Variants in SPIN1 observed in about 807,000 individuals in gnomAD.
SPIN1 encodes the protein spindlin-1.
SPIN1 carries 3 observed loss-of-function variants against 26.0 expected under a neutral mutation model. That is an observed-to-expected ratio of 0.12 (90% CI 0.05 to 0.30). The LOEUF is 0.30. Among genes scored for constraint, SPIN1 ranks in the 10% least tolerant of loss-of-function variants. The pLI is 1.00. For missense variants in SPIN1, 126 were observed against 333.4 expected, an observed-to-expected ratio of 0.38 and a Z score of 4.84; for synonymous variants, 101 against 116.5, an observed-to-expected ratio of 0.87 and a Z score of 0.86.
At chr9:88,439,611 C>T (rs1027504567) in intron 2 of SPIN1, among the ~76,000 whole-genome samples, 3 of 152,152 alleles carry the variant, frequency 2.0e-5, no homozygotes, top group Non-Finnish European at 4.4e-5. Context: ...GTTAATCTGT[C>T]TCTTCCTATA....
At chr9:88,435,804 C>A (rs1467682949) in intron 2 of SPIN1, among the ~76,000 whole-genome samples, 1 of 152,116 alleles carries the variant, frequency 6.6e-6, no homozygotes, top group Non-Finnish European at 1.5e-5. Context: ...TCACTCCCAC[C>A]TGTATGGGTC....
intron 1 of SPIN1, among the ~76,000 whole-genome samples, chr9:88,420,236 G>T (rs1827644391): frequency 6.6e-6 from 1 of 152,222 alleles, no homozygotes; most frequent in Non-Finnish European, 1.5e-5. Flanking sequence ...TTATCTGGAT[G>T]TGGTGGCGCA....
chr9:88,416,731 C>T (rs192431952), intron 1 of SPIN1: 1 of 152,270 alleles, frequency 6.6e-6, no homozygotes, highest in Non-Finnish European at 1.5e-5. Flanking sequence ...TCAAGTGATT[C>T]TCCTGCCTCA....
At chr9:88,415,975 C>G (rs1398305541) in intron 1 of SPIN1, among the ~76,000 whole-genome samples, 1 of 144,818 alleles carries the variant, frequency 6.9e-6, no homozygotes, top group African/African-American at 2.6e-5. Flanking sequence ...CCAGGATGGT[C>G]TCGATCTCCT....
At chr9:88,445,097 A>T (rs1828219416) in intron 2 of SPIN1, among the ~76,000 whole-genome samples, 1 of 152,124 alleles carries the variant, frequency 6.6e-6, no homozygotes, top group South Asian at 2.1e-4. Context: ...CTTTCCTGGA[A>T]CTCAGCACTG....
chr9:88,430,883 CTT>C (rs906131135), intron 2 of SPIN1, among the ~76,000 whole-genome samples: 5 of 132,040 alleles, frequency 3.8e-5, no homozygotes, highest in Non-Finnish European at 4.9e-5. Context: ...TATATTTTTT[CTT>C]TTTTTTTTTT....
intron 2 of SPIN1, among the ~76,000 whole-genome samples, chr9:88,438,620 C>A (rs1161332103): frequency 6.6e-6 from 1 of 152,082 alleles, no homozygotes; most frequent in African/African-American, 2.4e-5. Context: ...TTGTTGAGTT[C>A]ATCTATATCC....
chr9:88,430,697 C>A (rs773078607), intron 2 of SPIN1, among the ~76,000 whole-genome samples: 1 of 152,060 alleles, frequency 6.6e-6, no homozygotes, highest in African/African-American at 2.4e-5. Context: ...AAATAACTTA[C>A]GTTTATCTGT....
intron 1 of SPIN1, among the ~76,000 whole-genome samples, chr9:88,394,170 TACTC>T (rs1395078896): frequency 6.6e-6 from 1 of 152,204 alleles, no homozygotes; most frequent in Non-Finnish European, 1.5e-5. Flanking sequence ...TTTAATCAAA[TACTC>T]ACTGTTTTTC....
chr9:88,417,260 T>C (rs930794700), intron 1 of SPIN1, among the ~76,000 whole-genome samples: 2 of 152,188 alleles, frequency 1.3e-5, no homozygotes, highest in Non-Finnish European at 1.5e-5. Context: ...CAAATTCTTA[T>C]TCTCTATGCT....
chr9:88,436,388 G>C (rs1827999179), intron 2 of SPIN1, among the ~76,000 whole-genome samples: 1 of 152,116 alleles, frequency 6.6e-6, no homozygotes, highest in Non-Finnish European at 1.5e-5. Context: ...GAAAATAACA[G>C]AGTTCCCATA....
chr9:88,449,608 T>TA (rs1828318612), intron 3 of SPIN1, among the ~76,000 whole-genome samples: 1 of 152,120 alleles, frequency 6.6e-6, no homozygotes, highest in African/African-American at 2.4e-5. Flanking sequence ...GTGACATAGT[T>TA]ACATCCAAAA....
intron 5 of SPIN1, among the ~76,000 whole-genome samples, chr9:88,471,150 A>G (rs1828775297): frequency 2.0e-5 from 3 of 152,134 alleles, no homozygotes; most frequent in Non-Finnish European, 4.4e-5. Context: ...TTTGTGTCCT[A>G]AGAATCTTTT....
At chr9:88,417,624 C>G (rs545146970) in intron 1 of SPIN1, among the ~76,000 whole-genome samples, 1 of 152,166 alleles carries the variant, frequency 6.6e-6, no homozygotes, top group East Asian at 1.9e-4. Flanking sequence ...AGGCACGTGC[C>G]ACCATGCCCA....
intron 1 of SPIN1, among the ~76,000 whole-genome samples, chr9:88,393,933 C>T (rs529193445): frequency 8.5e-5 from 13 of 152,160 alleles, no homozygotes; most frequent in East Asian, 7.7e-4. Context: ...CTACAACCTC[C>T]GCCTCCCGGG....
intron 1 of SPIN1, among the ~76,000 whole-genome samples, chr9:88,426,129 G>C (rs955077553): frequency 1.3e-5 from 2 of 152,160 alleles, no homozygotes; most frequent in Admixed American, 6.6e-5. Flanking sequence ...TGTTCCAGTT[G>C]ATCTTGGAAG....
intron 2 of SPIN1, among the ~76,000 whole-genome samples, 183 bp from the exon 3 acceptor site, chr9:88,448,758 T>G (rs1828302306): frequency 6.6e-6 from 1 of 152,174 alleles, no homozygotes; most frequent in Non-Finnish European, 1.5e-5. Context: ...CTTTCAAGAA[T>G]CTCTTGTGTG....
intron 2 of SPIN1, among the ~76,000 whole-genome samples, chr9:88,447,876 CGT>C (rs965261200): frequency 6.6e-6 from 1 of 152,150 alleles, no homozygotes; most frequent in Non-Finnish European, 1.5e-5. Flanking sequence ...GCAGGGTTCT[CGT>C]GTGTGTTTTC....
intron 3 of SPIN1, 97 bp from the exon 4 acceptor site, chr9:88,462,399 C>A: frequency 6.7e-7 from 1 of 1,486,288 alleles, no homozygotes; most frequent in Non-Finnish European, 9.0e-7. Context: ...TATTTTGGGA[C>A]CATCTGTAAT....
Sources: gnomAD v4.1 joint callset for allele counts (sites outside exome capture counted in the v4.1 genomes callset) on GRCh38, gnomAD v4.1.1 for gene constraint, MANE v1.5 for transcripts, NCBI Gene and HGNC (gene_info 2026-07-23, HGNC 2026-07-21) for gene names.